Variants in SLC5A4 observed in about 807,000 individuals in gnomAD.
SLC5A4 encodes the protein probable glucose sensor protein SLC5A4.
SLC5A4 carries 55 observed loss-of-function variants against 70.3 expected under a neutral mutation model. The ratio of observed to expected loss-of-function variants is 0.78; its 90% CI spans 0.63 to 0.98. The LOEUF (loss-of-function observed/expected upper bound fraction) is 0.98, where lower values mean the gene tolerates loss of function less well. Ranked by LOEUF, SLC5A4 falls within the 50% of genes least tolerant of loss-of-function variation. SLC5A4 has a pLI of 0.00. For synonymous variants in SLC5A4, 268 were observed against 305.7 expected (o/e 0.88, Z 1.29); for missense variants, 735 against 839.2 (o/e 0.88, Z 1.53).
the SLC5A4 span, among the ~76,000 whole-genome samples, chr22:32,264,581 A>G: frequency 5.3e-3 from 803 of 152,302 alleles, 8 homozygotes; most frequent in African/African-American, 0.019. Context: ...AAAACAAAAC[A>G]AAACGAAACA....
chr22:32,310,951 C>T, the SLC5A4 span, among the ~76,000 whole-genome samples: 9 of 152,240 alleles, frequency 5.9e-5, no homozygotes, highest in Non-Finnish European at 2.9e-5. Context: ...GTCCCAGCCA[C>T]CTGGCTTTCT....
chr22:32,295,509 T>C, the SLC5A4 span, among the ~76,000 whole-genome samples: 2 of 110,004 alleles, frequency 1.8e-5, 1 homozygote, highest in Non-Finnish European at 4.0e-5. Flanking sequence ...TTGATGGGGT[T>C]TTTTTCTTGT....
At chr22:32,239,200 T>C (rs1248412592) in intron 5 of SLC5A4, 110 bp from the exon 6 acceptor site, 2 of 791,490 alleles carry the variant, frequency 2.5e-6, no homozygotes, top group African/African-American at 3.4e-5. Context: ...GACTCCTACT[T>C]ACCCTTCAAG....
At chr22:32,354,371 G>A in the SLC5A4 span, among the ~76,000 whole-genome samples, 7 of 150,888 alleles carry the variant, frequency 4.6e-5, no homozygotes, top group South Asian at 1.5e-3. Flanking sequence ...CCCAGATAGT[G>A]CTGCCAACCT....
At chr22:32,291,733 A>G in the SLC5A4 span, among the ~76,000 whole-genome samples, 1 of 151,914 alleles carries the variant, frequency 6.6e-6, no homozygotes, top group Non-Finnish European at 1.5e-5. Context: ...ACTCAAATGT[A>G]TTCTACTTTT....
the SLC5A4 span, among the ~76,000 whole-genome samples, chr22:32,265,049 A>G: frequency 6.6e-6 from 1 of 152,220 alleles, no homozygotes; most frequent in African/African-American, 2.4e-5. Context: ...CCACTTATTG[A>G]TGTACTACAA....
At chr22:32,269,693 G>A in the SLC5A4 span, 55 of 603,182 alleles carry the variant, frequency 9.1e-5, no homozygotes, top group East Asian at 3.2e-4. The surrounding 1 kb of genome is among the most constrained non-coding windows in gnomAD (Gnocchi z 4.1). Context: ...GCATTCCCCC[G>A]TACGGTGTGG....
chr22:32,314,725 A>G, the SLC5A4 span, among the ~76,000 whole-genome samples: 2 of 152,206 alleles, frequency 1.3e-5, no homozygotes, highest in African/African-American at 4.8e-5. Context: ...GCTTAACTGG[A>G]CTTACAGTTC....
chr22:32,351,827 C>T, the SLC5A4 span, among the ~76,000 whole-genome samples: 1 of 149,054 alleles, frequency 6.7e-6, no homozygotes, highest in Admixed American at 6.8e-5. Context: ...TTGTTAAGGC[C>T]ATTGCTTGTG....
rs1330879125 is a variant in SLC5A4 at position 32,238,518 on chromosome 22, A to AT, written c.583+466dup. Reference sequence around the variant, plus strand: ...TGGTTCATGAGAGCCTGCTTGGACTATTGTCACAGATCGTCTCCCGCCAGC... The same window carrying AT: ...TGGTTCATGAGAGCCTGCTTGGACTATTTGTCACAGATCGTCTCCCGCCAGC... On this transcript the variant is annotated intron_variant, in intron 6 of 14. Transcript: ENST00000266086. Among the ~76,000 whole-genome samples the AT allele has an allele frequency of 2.0e-5, 3 of 152,032 alleles. No individual in the cohort carries two copies. In the East Asian group the frequency reaches 5.8e-4, roughly 29 times the overall value.
the SLC5A4 span, among the ~76,000 whole-genome samples, chr22:32,335,929 C>T: frequency 6.6e-6 from 1 of 152,216 alleles, no homozygotes; most frequent in Non-Finnish European, 1.5e-5. Context: ...ATCATTGTCA[C>T]GGGAGCCGAA....
At chr22:32,332,442 C>T in the SLC5A4 span, among the ~76,000 whole-genome samples, 3 of 152,216 alleles carry the variant, frequency 2.0e-5, no homozygotes, top group African/African-American at 4.8e-5. Context: ...CTTCCAACTC[C>T]GACAGGCTCA....
chr22:32,236,845 C>T (rs1408509586), intron 7 of SLC5A4, among the ~76,000 whole-genome samples: 3 of 151,924 alleles, frequency 2.0e-5, no homozygotes, highest in Non-Finnish European at 4.4e-5. Context: ...GCTGGGACTA[C>T]AAGCGCGCGC....
At chr22:32,316,352 C>G in the SLC5A4 span, among the ~76,000 whole-genome samples, 1 of 151,976 alleles carries the variant, frequency 6.6e-6, no homozygotes, top group Non-Finnish European at 1.5e-5. Context: ...AAGCTGAAGT[C>G]AGGGCAAAAC....
At chr22:32,317,908 T>A in the SLC5A4 span, among the ~76,000 whole-genome samples, 1 of 152,200 alleles carries the variant, frequency 6.6e-6, no homozygotes, top group Non-Finnish European at 1.5e-5. Context: ...CTTCTCACCA[T>A]CCCTTAGCCC....
the SLC5A4 span, among the ~76,000 whole-genome samples, chr22:32,322,279 T>A: frequency 9.9e-5 from 15 of 152,218 alleles, no homozygotes; most frequent in South Asian, 3.1e-3. Flanking sequence ...TACAACAGGG[T>A]GGCCACATGG....
At chr22:32,238,425 C>T (rs915427838) in intron 6 of SLC5A4, among the ~76,000 whole-genome samples, 1 of 152,124 alleles carries the variant, frequency 6.6e-6, no homozygotes, top group Non-Finnish European at 1.5e-5. Flanking sequence ...TTTTTCCTTA[C>T]GTCTTCCAAC....
At chr22:32,262,209 C>T in the SLC5A4 span, among the ~76,000 whole-genome samples, 1 of 152,156 alleles carries the variant, frequency 6.6e-6, no homozygotes, top group East Asian at 1.9e-4. Flanking sequence ...TGCTGGATCA[C>T]ATGGTGGCCC....
At chr22:32,351,633 CAG>C in the SLC5A4 span, among the ~76,000 whole-genome samples, 4 of 146,054 alleles carry the variant, frequency 2.7e-5, no homozygotes, top group South Asian at 9.0e-4. Context: ...ACCTGGGAGA[CAG>C]AGGTTGCAAT....
Sources: gnomAD v4.1 joint callset for allele counts (sites outside exome capture counted in the v4.1 genomes callset) on GRCh38, gnomAD v4.1.1 for gene constraint, Gnocchi (gnomAD v3.1) non-coding constraint, MANE v1.5 for transcripts, NCBI Gene and HGNC (gene_info 2026-07-23, HGNC 2026-07-21) for gene names.